BBS9: variants seen among roughly 807,000 people sequenced by gnomAD.
The protein encoded by BBS9 is protein PTHB1.
In BBS9, 89 loss-of-function variants were observed where a neutral mutation model predicts 117.7. The ratio of observed to expected loss-of-function variants is 0.76; its 90% confidence interval spans 0.64 to 0.90. The LOEUF is 0.90. Among genes scored for constraint, BBS9 ranks in the 40% least tolerant of loss-of-function variants. The pLI, the probability that BBS9 is intolerant of heterozygous loss-of-function variation, is 0.00. For missense variants in BBS9, 982 were observed against 1,042.2 expected, an observed-to-expected ratio of 0.94 and a Z score of 0.80; for synonymous variants, 379 against 370.9, an observed-to-expected ratio of 1.02 and a Z score of -0.25.
At chr7:33,449,046 A>AGTTTCACTGCCT (rs1837396537) in intron 19 of BBS9, among the ~76,000 whole-genome samples, 4 of 152,250 alleles carry the variant, frequency 2.6e-5, no homozygotes, top group African/African-American at 9.6e-5. Context: ...GAATGCCAGT[A>AGTTTCACTGCCT]GTCTGGTTCC....
At chr7:33,378,951 T>A (rs1824428201) in intron 17 of BBS9, among the ~76,000 whole-genome samples, 1 of 152,260 alleles carries the variant, frequency 6.6e-6, no homozygotes, top group South Asian at 2.1e-4. Context: ...TGATAAATTC[T>A]GATCAATTTT....
rs116927029 is a variant in BBS9 at position 33,146,454 on chromosome 7, T to A, written c.112+90T>A. On this transcript the variant is annotated intron_variant, in intron 2 of 22. Coordinates refer to ENST00000242067, the MANE Select transcript of BBS9 (RefSeq NM_198428.3). ...GGTGGCCGACTGCTGTAATCTCAGTTCTTTTGGGAGGCCGACGTGGGCAGA... is the reference window on the plus strand; with the variant it reads ...GGTGGCCGACTGCTGTAATCTCAGTACTTTTGGGAGGCCGACGTGGGCAGA... The A allele has an allele frequency of 0.18, 195,772 of 1,082,242 alleles. 19,223 individuals are homozygous for A. Among genetic ancestry groups the A allele is most frequent in the South Asian group, 0.23 (18,341 of 79,436 alleles). The allele number at this position is 1,082,242 out of a possible 1,614,324, so 67.0% of individuals were successfully genotyped here. A position where few individuals can be genotyped will look rare whatever the true frequency, so the allele number is the denominator to read the frequency against.
intron 19 of BBS9, among the ~76,000 whole-genome samples, chr7:33,408,612 G>C (rs1830530393): frequency 6.6e-6 from 1 of 152,158 alleles, no homozygotes; most frequent in African/African-American, 2.4e-5. Context: ...GTAGTTCACT[G>C]TTGATGGGTA....
At chr7:33,486,037 C>T (rs888830995) in intron 19 of BBS9, among the ~76,000 whole-genome samples, 6 of 152,088 alleles carry the variant, frequency 3.9e-5, no homozygotes, top group South Asian at 4.1e-4. Context: ...TTCTTGTTGG[C>T]GGTGTGGGAG....
At chr7:33,231,679 G>A (rs1792480465) in intron 5 of BBS9, among the ~76,000 whole-genome samples, 1 of 151,972 alleles carries the variant, frequency 6.6e-6, no homozygotes, top group South Asian at 2.1e-4. Context: ...AGGTAATTTA[G>A]ATGCTTGGGA....
chr7:33,613,623 CTTAAGT>C (rs930911514), intron 21 of BBS9, among the ~76,000 whole-genome samples: 8 of 151,858 alleles, frequency 5.3e-5, no homozygotes, highest in African/African-American at 1.9e-4. Flanking sequence ...ACCTCATTCG[CTTAAGT>C]GGATATTTTT....
At chr7:33,512,598 T>G (rs1478430567) in intron 20 of BBS9, among the ~76,000 whole-genome samples, 1 of 152,078 alleles carries the variant, frequency 6.6e-6, no homozygotes, top group Non-Finnish European at 1.5e-5. Context: ...TGGCTAGAGG[T>G]GTGTTTATAT....
At chr7:33,381,151 C>T (rs1824949545) in intron 17 of BBS9, among the ~76,000 whole-genome samples, 1 of 152,132 alleles carries the variant, frequency 6.6e-6, no homozygotes, top group Non-Finnish European at 1.5e-5. Context: ...TGTATTGTGC[C>T]CTTTGCATCT....
At chr7:33,299,552 A>G (rs970551703) in intron 9 of BBS9, among the ~76,000 whole-genome samples, 1 of 149,038 alleles carries the variant, frequency 6.7e-6, no homozygotes, top group South Asian at 2.1e-4. Flanking sequence ...TTATAATTTA[A>G]TAATAATCAA....
rs4376410 is a variant in BBS9, at chr7:33,146,502, C to T, written c.112+138C>T. On this transcript the variant is annotated intron_variant, in intron 2 of 22. Transcript: ENST00000242067. ...AGATCACGAGGTCAGGAGTACGAGACCAGCCTGGCCAACATGGTGAAACAC... is the reference window on the plus strand; with the variant it reads ...AGATCACGAGGTCAGGAGTACGAGATCAGCCTGGCCAACATGGTGAAACAC... The T allele has an allele frequency of 4.4e-3, 3,007 of 684,390 alleles. 73 individuals are homozygous for T. The African/African-American group carries it at 0.048, about 11-fold the overall frequency. The allele number at this position is 684,390 out of a possible 1,614,324, so 42.4% of individuals were successfully genotyped here.
chr7:33,441,971 A>T (rs1379568135), intron 19 of BBS9, among the ~76,000 whole-genome samples: 2 of 149,454 alleles, frequency 1.3e-5, no homozygotes, highest in Non-Finnish European at 3.0e-5. Flanking sequence ...GGCTCACTGC[A>T]GCCTCCACCT....
At chr7:33,206,795 TC>T (rs2128219628) in intron 5 of BBS9, among the ~76,000 whole-genome samples, 1 of 152,264 alleles carries the variant, frequency 6.6e-6, no homozygotes, top group East Asian at 1.9e-4. Flanking sequence ...GCACATTATT[TC>T]CCATCTCAAT....
At chr7:33,242,354 A>G (rs954811479) in intron 5 of BBS9, among the ~76,000 whole-genome samples, 4 of 152,114 alleles carry the variant, frequency 2.6e-5, no homozygotes, top group South Asian at 2.1e-4. Context: ...GATAAAGTCA[A>G]TATGAGGATC....
At chr7:33,628,297 T>C (rs1865736055) in intron 21 of BBS9, among the ~76,000 whole-genome samples, 1 of 152,030 alleles carries the variant, frequency 6.6e-6, no homozygotes, top group African/African-American at 2.4e-5. Context: ...TGCAAAATAT[T>C]GACTAACACA....
At chr7:33,485,560 C>T (rs1199669245) in intron 19 of BBS9, among the ~76,000 whole-genome samples, 6 of 152,052 alleles carry the variant, frequency 3.9e-5, no homozygotes, top group South Asian at 2.1e-4. Context: ...CCACCTGCCT[C>T]GGCTTCCCAA....
At chr7:33,155,425 C>G (rs1793952152) in intron 3 of BBS9, among the ~76,000 whole-genome samples, 4 of 152,140 alleles carry the variant, frequency 2.6e-5, no homozygotes. Context: ...AATCTGAAGG[C>G]AGTGCCTTGA....
At chr7:33,294,353 CT>C (rs1409954591) in intron 9 of BBS9, among the ~76,000 whole-genome samples, 45 of 137,598 alleles carry the variant, frequency 3.3e-4, no homozygotes, top group Middle Eastern at 3.4e-3. Flanking sequence ...ATCTATCTAT[CT>C]CTTTGTCCAT....
In BBS9 at chr7:33,357,813, T is replaced by C. The variant is rs1819890296; in HGVS notation, c.1553-42T>C. The C allele has an allele frequency of 3.8e-6, 6 of 1,596,530 alleles. No homozygotes were observed. In the East Asian group the frequency reaches 1.3e-4, roughly 36 times the overall value. ...AGTACAATTTTTTTTTGCCAAATTA[T>C]TTGTCAAGTCTATGAATCTACATAT... is the stretch of plus-strand genomic sequence containing the variant. On this transcript the variant is annotated intron_variant, in intron 15 of 22. Transcript: ENST00000242067.
intron 5 of BBS9, among the ~76,000 whole-genome samples, chr7:33,221,923 A>G (rs545013544): frequency 1.1e-4 from 16 of 152,340 alleles, no homozygotes; most frequent in African/African-American, 3.8e-4. Context: ...ACACACACAC[A>G]TATATGATAT....
Sources: gnomAD v4.1 joint callset for allele counts (sites outside exome capture counted in the v4.1 genomes callset) on GRCh38, gnomAD v4.1.1 for gene constraint, MANE v1.5 for transcripts, NCBI Gene and HGNC (gene_info 2026-07-23, HGNC 2026-07-21) for gene names.